Variants in BEND4 observed in about 807,000 individuals in gnomAD.
BEND4 encodes the protein BEN domain-containing protein 4.
BEND4 carries 27 observed loss-of-function variants against 54.7 expected under a neutral mutation model. The ratio of observed to expected loss-of-function variants is 0.49; its 90% CI spans 0.36 to 0.68. The LOEUF is 0.68. BEND4 is among the 30% of genes least tolerant of loss of function. The probability of loss-of-function intolerance (pLI) is 0.00; values close to 1 mark genes in which losing one functional copy is unlikely to be tolerated. For synonymous variants in BEND4, 327 were observed against 299.5 expected (o/e 1.09, Z -0.95); for missense variants, 702 against 697.2 (o/e 1.01, Z -0.08).
chr4:42,146,129 C>T (rs1254990074), intron 2 of BEND4, among the ~76,000 whole-genome samples: 1 of 152,182 alleles, frequency 6.6e-6, no homozygotes, highest in Non-Finnish European at 1.5e-5. Flanking sequence ...GTCCACATGG[C>T]CAAGTACCCC....
intron 3 of BEND4, among the ~76,000 whole-genome samples, chr4:42,141,162 G>A (rs897921743): frequency 2.0e-5 from 3 of 152,072 alleles, no homozygotes; most frequent in Non-Finnish European, 2.9e-5. Flanking sequence ...AACACTACTC[G>A]TCTGCATCTA....
chr4:42,143,310 A>G, intron 3 of BEND4, 118 bp downstream of exon 3: 1 of 960,720 alleles, frequency 1.0e-6, no homozygotes, highest in Admixed American at 2.7e-5. Flanking sequence ...CAAAAAACAA[A>G]AAAAGCCCAC....
intron 5 of BEND4, among the ~76,000 whole-genome samples, chr4:42,119,476 G>A (rs540072146): frequency 5.3e-5 from 8 of 152,146 alleles, no homozygotes; most frequent in South Asian, 2.1e-4. Context: ...CAATAGTGCA[G>A]ATCAACTGCA....
chr4:42,127,134 TG>T (rs1720319218), intron 3 of BEND4, among the ~76,000 whole-genome samples: 1 of 152,262 alleles, frequency 6.6e-6, no homozygotes, highest in African/African-American at 2.4e-5. Flanking sequence ...ATAATAGCTT[TG>T]GATTTTTTAG....
In BEND4 at chr4:42,116,634, G is replaced by C. The variant is rs1719847754; in HGVS notation, c.*884C>G. ...TGTGTATACAATGCCAGAACATCTA[G>C]TCAATTCAGCGAATACCATCAGTCA... On this transcript the variant is annotated 3_prime_UTR_variant, in exon 6 of 6. Coordinates refer to ENST00000502486, the MANE Select transcript of BEND4 (RefSeq NM_207406.4). The C allele has an allele frequency of 2.0e-5, 3 of 152,202 alleles. No homozygotes were observed. Among genetic ancestry groups the C allele is most frequent in the Admixed American group, 6.5e-5 (1 of 15,270 alleles). 9.4% of individuals were successfully genotyped at this position (152,202 alleles called of 1,614,324 possible).
rs1453957164 is a variant in BEND4, at chr4:42,152,306, C to G, written c.-163G>C. On this transcript the variant is annotated 5_prime_UTR_variant, in exon 2 of 6. Coordinates refer to ENST00000502486, the MANE Select transcript of BEND4 (RefSeq NM_207406.4). ...CCGCCGCCGCCGCCTGTCGCTGAGGCTGGCATCGCCGAGCCCCCGCGCGGG... is the reference window on the plus strand; with the variant it reads ...CCGCCGCCGCCGCCTGTCGCTGAGGGTGGCATCGCCGAGCCCCCGCGCGGG... 3.2e-6 allele frequency: 2 copies of G among 630,172 alleles called. No homozygotes were observed. Among genetic ancestry groups the G allele is most frequent in the Admixed American group, 4.6e-5 (1 of 21,628 alleles). 39.0% of individuals were successfully genotyped at this position (630,172 alleles called of 1,614,324 possible).
intron 3 of BEND4, among the ~76,000 whole-genome samples, chr4:42,134,898 A>T (rs1008407921): frequency 6.6e-6 from 1 of 152,206 alleles, no homozygotes; most frequent in African/African-American, 2.4e-5. Context: ...GGGTTGGAAC[A>T]CTTGGTGTCT....
At chr4:42,119,973 G>T in intron 5 of BEND4, 81 bp downstream of exon 5, 1 of 1,550,620 alleles carries the variant, frequency 6.4e-7, no homozygotes, top group Non-Finnish European at 8.9e-7. Context: ...ACAGAAGGCT[G>T]AACACTTGTA....
intron 4 of BEND4, 34 bp from the exon 5 acceptor site, chr4:42,120,328 G>T (rs369113237): frequency 2.8e-5 from 45 of 1,584,870 alleles, no homozygotes; most frequent in Non-Finnish European, 3.5e-5. Flanking sequence ...ATTACCCACC[G>T]AGCCAGCCAG....
chr4:42,138,886 A>T (rs1029318402), intron 3 of BEND4, among the ~76,000 whole-genome samples: 8 of 152,242 alleles, frequency 5.3e-5, no homozygotes, highest in African/African-American at 1.9e-4. Flanking sequence ...TTTGTGTTCA[A>T]AGATAATTAT....
At chr4:42,144,545 G>A (rs559982267) in intron 2 of BEND4, among the ~76,000 whole-genome samples, 1 of 152,336 alleles carries the variant, frequency 6.6e-6, no homozygotes, top group South Asian at 2.1e-4. Flanking sequence ...CAAAGAGTAG[G>A]CCTATGGGCA....
chr4:42,132,539 G>A (rs1720545217), intron 3 of BEND4, among the ~76,000 whole-genome samples: 1 of 152,104 alleles, frequency 6.6e-6, no homozygotes, highest in Non-Finnish European at 1.5e-5. Flanking sequence ...CCGCCTCCCA[G>A]GTTCAAGAGA....
chr4:42,123,134 C>T (rs1720126090), intron 4 of BEND4, among the ~76,000 whole-genome samples: 2 of 152,172 alleles, frequency 1.3e-5, no homozygotes, highest in Admixed American at 1.3e-4. Flanking sequence ...TAGCCCAAAG[C>T]ACAATTCAGA....
At chr4:42,123,119 A>G (rs1430486943) in intron 4 of BEND4, among the ~76,000 whole-genome samples, 1 of 152,242 alleles carries the variant, frequency 6.6e-6, no homozygotes, top group South Asian at 2.1e-4. Flanking sequence ...AAAGAAAGCA[A>G]TTTATAGCCC....
At chr4:42,151,557 A>T in intron 2 of BEND4, 100 bp downstream of exon 2, 1 of 1,271,112 alleles carries the variant, frequency 7.9e-7, no homozygotes, top group South Asian at 1.8e-5. Flanking sequence ...GACACGGCCC[A>T]GCACGGGTAA....
chr4:42,130,655 C>T (rs1013467027), intron 3 of BEND4, among the ~76,000 whole-genome samples: 1 of 152,106 alleles, frequency 6.6e-6, no homozygotes, highest in Non-Finnish European at 1.5e-5. Context: ...GACAATCTGG[C>T]AACTCCTCAA....
intron 3 of BEND4, among the ~76,000 whole-genome samples, chr4:42,135,829 TCA>T (rs1328748672): frequency 6.6e-6 from 1 of 152,088 alleles, no homozygotes; most frequent in Non-Finnish European, 1.5e-5. Context: ...ATTATTAACC[TCA>T]CTTTAGAGAA....
chr4:42,139,688 C>T (rs1382600503), intron 3 of BEND4, among the ~76,000 whole-genome samples: 1 of 152,138 alleles, frequency 6.6e-6, no homozygotes, highest in East Asian at 1.9e-4. Context: ...TGACCCATCT[C>T]CTTTTCAACC....
Position 42,143,791 on chromosome 4 carries a change from T to TGTCAGA in BEND4, c.690_691insTCTGAC (p.Asp230_Ile231insSerAsp). 1 of 1,609,116 alleles carries TGTCAGA rather than the reference T, an allele frequency of 6.2e-7. No homozygotes were observed. The highest frequency in any genetic ancestry group is 8.5e-7 in the Non-Finnish European group (1 of 1,177,436). ...TTCCTTTGCATATACTGCATCTCTATGTCTACATTGTCTGAGGTCTGACTG... is the reference window on the plus strand; with the variant it reads ...TTCCTTTGCATATACTGCATCTCTATGTCAGAGTCTACATTGTCTGAGGTCTGACTG... On this transcript the variant is annotated inframe_insertion, in exon 3 of 6. Transcript: ENST00000502486.
Sources: allele counts gnomAD v4.1 joint callset (sites outside exome capture counted in the v4.1 genomes callset), GRCh38; gene constraint gnomAD v4.1.1; transcripts MANE v1.5; gene names NCBI Gene and HGNC (gene_info 2026-07-23, HGNC 2026-07-21).